C10orf71: variants seen among roughly 807,000 people sequenced by gnomAD.
C10orf71 encodes chromosome 10 open reading frame 71.
For missense variants in C10orf71, 1,869 were observed against 1,804.5 expected (o/e 1.04, Z -0.65); for synonymous variants, 758 against 726.3 (o/e 1.04, Z -0.70).
chr10:49,307,775 C>A (rs1848840108), intron 1 of C10orf71, among the ~76,000 whole-genome samples: 1 of 152,202 alleles, frequency 6.6e-6, no homozygotes, highest in Non-Finnish European at 1.5e-5. Context: ...GGAACAGGAA[C>A]CAGGAGGGGA....
rs1286531444 is a variant in C10orf71, at chr10:49,326,345, T to G, written c.3800T>G (p.Leu1267Arg). The G allele has an allele frequency of 6.5e-7, 1 of 1,550,228 alleles. No individual in the cohort carries two copies. Among genetic ancestry groups the G allele is most frequent in the East Asian group, 2.4e-5 (1 of 40,894 alleles). ...GGGGGCCCCCAGTCCCTCACACCCCTGCCCGCGTACCCCGCCACCCAGAAG... is the reference window on the plus strand; with the variant it reads ...GGGGGCCCCCAGTCCCTCACACCCCGGCCCGCGTACCCCGCCACCCAGAAG... Reference protein sequence around the residue: ...RPGGPQSLTPLPAYPATQKVL... With the variant: ...RPGGPQSLTPRPAYPATQKVL... The change falls in exon 3 of 3, where the codon CTG becomes CGG. Residue 1267 changes from leucine to arginine, a missense_variant. Leu to Arg is a moderately radical substitution (Grantham distance 102). Coordinates refer to ENST00000374144, the MANE Select transcript of C10orf71 (RefSeq NM_001135196.2).
intron 1 of C10orf71, among the ~76,000 whole-genome samples, chr10:49,314,108 C>T (rs1347254140): frequency 2.0e-5 from 3 of 152,070 alleles, no homozygotes; most frequent in Non-Finnish European, 2.9e-5. Flanking sequence ...TAGATTGCAG[C>T]CTAGAAGTTC....
Position 49,324,801 on chromosome 10 carries a change from G to C in C10orf71, c.2256G>C (p.Gln752His). ...DQQKMWFTEN[Q>H]REDRRKDVSA... is the part of the protein sequence containing the mutation. ...AGAAGATGTGGTTTACTGAGAACCAGCGGGAAGACAGGAGGAAGGATGTGA... is the reference window on the plus strand; with the variant it reads ...AGAAGATGTGGTTTACTGAGAACCACCGGGAAGACAGGAGGAAGGATGTGA... The change falls in exon 3 of 3, where the codon CAG (glutamine) becomes CAC (histidine). Residue 752 changes from glutamine to histidine, a missense_variant. By Grantham distance (24) the Gln-to-His change is conservative. Coordinates refer to ENST00000374144, the MANE Select transcript of C10orf71 (RefSeq NM_001135196.2). The C allele has an allele frequency of 6.4e-7, 1 of 1,552,218 alleles. No individual in the cohort carries two copies. The highest frequency in any genetic ancestry group is 8.7e-7 in the Non-Finnish European group (1 of 1,147,146).
In C10orf71 at chr10:49,323,859, TC is replaced by T; in HGVS notation, c.1320del (p.Phe441LeufsTer7). On this transcript the variant is annotated frameshift_variant, in exon 3 of 3. Transcript: ENST00000374144. LOFTEE classifies it low-confidence loss of function (END_TRUNC). ...CTGTGGAACCCAATGAACATTATGA[TC>T]CCCCCTTTAACATCAGTAAGCTCCT... Reference protein sequence around the residue: ...LPVEPNEHYDPPFNISKLLTP... With the variant: ...LPVEPNEHYDXPFNISKLLTP... The T allele has an allele frequency of 1.2e-6, 2 of 1,612,602 alleles. No homozygotes were observed. The highest frequency in any genetic ancestry group is 1.7e-6 in the Non-Finnish European group (2 of 1,179,674).
intron 2 of C10orf71, among the ~76,000 whole-genome samples, chr10:49,320,452 G>T (rs958781927): frequency 2.0e-5 from 3 of 152,196 alleles, no homozygotes; most frequent in Non-Finnish European, 2.9e-5. Context: ...GTGGTTCTGG[G>T]ATGAGGGGCA....
chr10:49,317,049 T>A (rs890518864), intron 2 of C10orf71, among the ~76,000 whole-genome samples: 1 of 152,246 alleles, frequency 6.6e-6, no homozygotes, highest in Admixed American at 6.5e-5. Context: ...GATTTTCATC[T>A]TAATGAAAAC....
At chr10:49,305,944 A>G (rs1247044571) in intron 1 of C10orf71, among the ~76,000 whole-genome samples, 1 of 152,258 alleles carries the variant, frequency 6.6e-6, no homozygotes, top group Non-Finnish European at 1.5e-5. Context: ...AGCAGTACAT[A>G]TAAGAAGGGT....
chr10:49,317,839 A>G (rs544951640), intron 2 of C10orf71, among the ~76,000 whole-genome samples: 1 of 152,314 alleles, frequency 6.6e-6, no homozygotes, highest in South Asian at 2.1e-4. Context: ...TGACAGAATG[A>G]AAAATTTTTT....
In C10orf71 at chr10:49,326,131, C is replaced by G; in HGVS notation, c.3586C>G (p.Gln1196Glu). 1.9e-6 allele frequency: 3 copies of G among 1,551,726 alleles called. No homozygotes were observed. Among genetic ancestry groups the G allele is most frequent in the Non-Finnish European group, 2.6e-6 (3 of 1,147,010 alleles). Residue 1196 changes from glutamine (Q) to glutamate (E), a missense_variant, in exon 3 of 3, where the codon CAG becomes GAG. By Grantham distance (29) the Gln-to-Glu change is conservative. Coordinates refer to ENST00000374144, the MANE Select transcript of C10orf71 (RefSeq NM_001135196.2). ...KLASKRRKTDQAQEKHGESQE... is the reference protein window; with the variant it reads ...KLASKRRKTDEAQEKHGESQE... Reference sequence around the variant, plus strand: ...GGCAAGTAAGAGGAGGAAGACGGATCAGGCTCAGGAGAAGCATGGCGAGTC... The same window carrying G: ...GGCAAGTAAGAGGAGGAAGACGGATGAGGCTCAGGAGAAGCATGGCGAGTC...
At chr10:49,305,416 A>T (rs1437103854) in intron 1 of C10orf71, among the ~76,000 whole-genome samples, 2 of 152,218 alleles carry the variant, frequency 1.3e-5, no homozygotes, top group East Asian at 3.8e-4. Context: ...CTCTGTAAAG[A>T]ACAAGAGTAA....
chr10:49,315,231 A>G (rs966428000), intron 1 of C10orf71, among the ~76,000 whole-genome samples: 33 of 152,242 alleles, frequency 2.2e-4, no homozygotes, highest in Middle Eastern at 3.2e-3. Context: ...TTATTAATAA[A>G]CTACCTTGAA....
At chr10:49,322,365 A>C in intron 2 of C10orf71, 37 bp from the exon 3 acceptor site, 1 of 626,524 alleles carries the variant, frequency 1.6e-6, no homozygotes. Context: ...GTAGAGCTGT[A>C]TACTTTGTTC....
At chr10:49,309,411 T>C (rs928766043) in intron 1 of C10orf71, among the ~76,000 whole-genome samples, 2 of 152,150 alleles carry the variant, frequency 1.3e-5, no homozygotes, top group African/African-American at 2.4e-5. Flanking sequence ...CAAGTGTCCA[T>C]TTACAATCCA....
chr10:49,319,034 C>T (rs1849046070), intron 2 of C10orf71, among the ~76,000 whole-genome samples: 1 of 152,210 alleles, frequency 6.6e-6, no homozygotes, highest in African/African-American at 2.4e-5. Context: ...AGCTCTGCTG[C>T]TGTGAATGGG....
At chr10:49,311,769 A>G (rs1013094653) in intron 1 of C10orf71, among the ~76,000 whole-genome samples, 1 of 152,236 alleles carries the variant, frequency 6.6e-6, no homozygotes, top group African/African-American at 2.4e-5. Flanking sequence ...CTAGTCCAGG[A>G]CACATGGGTC....
In C10orf71 at chr10:49,322,593, C is replaced by T. The variant is rs374613206; in HGVS notation, c.48C>T (p.Ser16=). 7.8e-5 allele frequency: 125 copies of T among 1,612,532 alleles called. No individual in the cohort carries two copies. Among genetic ancestry groups the T allele is most frequent in the Middle Eastern group, 5.0e-4 (3 of 6,060 alleles). The change falls in exon 3 of 3, where the codon TCC becomes TCT. Residue 16 remains serine (S), a synonymous_variant. Coordinates refer to ENST00000374144, the MANE Select transcript of C10orf71 (RefSeq NM_001135196.2). ...KKCTDAFSDS[S]SIGSVLDDAD... Reference sequence around the variant, plus strand: ...GCACAGACGCGTTCAGCGACTCCTCCAGCATCGGCAGCGTGTTGGATGATG... The same window carrying T: ...GCACAGACGCGTTCAGCGACTCCTCTAGCATCGGCAGCGTGTTGGATGATG...
At chr10:49,305,230 G>A (rs1848792488) in intron 1 of C10orf71, among the ~76,000 whole-genome samples, 2 of 152,144 alleles carry the variant, frequency 1.3e-5, no homozygotes, top group South Asian at 2.1e-4. Context: ...CCAGGGGCAG[G>A]TGGGTCCCCA....
intron 1 of C10orf71, among the ~76,000 whole-genome samples, chr10:49,307,189 TC>T (rs1848829320): frequency 6.6e-6 from 1 of 152,162 alleles, no homozygotes; most frequent in African/African-American, 2.4e-5. Context: ...ACCTCTGAGC[TC>T]ACAAGGAGAC....
At chr10:49,300,147 G>A (rs893483345) in intron 1 of C10orf71, among the ~76,000 whole-genome samples, 4 of 152,224 alleles carry the variant, frequency 2.6e-5, no homozygotes, top group African/African-American at 9.7e-5. Flanking sequence ...AGCTCCCTAA[G>A]TATAGGAACC....
Sources: allele counts gnomAD v4.1 joint callset (sites outside exome capture counted in the v4.1 genomes callset), GRCh38; gene constraint gnomAD v4.1.1; transcripts MANE v1.5; gene names NCBI Gene and HGNC (gene_info 2026-07-23, HGNC 2026-07-21).